The following CACNA1C variants were observed in gnomAD, a reference collection of about 807,000 sequenced individuals.
CACNA1C encodes calcium voltage-gated channel subunit alpha1 C.
Under a neutral mutation model 229.0 loss-of-function variants are expected in CACNA1C, and 30 were observed. The ratio of observed to expected loss-of-function variants is 0.13; its 90% CI spans 0.10 to 0.18. CACNA1C has a LOEUF of 0.18. Ranked by LOEUF, CACNA1C falls within the 10% of genes least tolerant of loss-of-function variation. The pLI is 1.00. For missense variants in CACNA1C, 1,658 were observed against 2,845.0 expected (o/e 0.58, Z 9.49); for synonymous variants, 1,114 against 1,132.5 (o/e 0.98, Z 0.33).
At chr12:2,590,754 A>G (rs939986845) in intron 18 of CACNA1C, among the ~76,000 whole-genome samples, 1 of 152,232 alleles carries the variant, frequency 6.6e-6, no homozygotes, top group Non-Finnish European at 1.5e-5. Flanking sequence ...ACAAAGCTAT[A>G]GTAAATATGG....
Position 2,395,620 on chromosome 12 carries a change from G to A in CACNA1C, c.478-53356G>A, listed in dbSNP as rs541349080. 2.6e-4 allele frequency among the ~76,000 whole-genome samples: 39 copies of A among 152,284 alleles called. No homozygotes were observed. In the East Asian group the frequency reaches 7.3e-3, roughly 29 times the overall value. Reference sequence around the variant, plus strand: ...GCAAGTCGGGTCCCTCTGAGCCTCTGGAAGAGCCAAGTGGCTGGCTGCTGG... The same window carrying A: ...GCAAGTCGGGTCCCTCTGAGCCTCTAGAAGAGCCAAGTGGCTGGCTGCTGG... On this transcript the variant is annotated intron_variant, in intron 3 of 46. Transcript: ENST00000399655.
At chr12:2,572,339 TTCC>T (rs1327075641) in intron 13 of CACNA1C, among the ~76,000 whole-genome samples, 55 of 29,104 alleles carry the variant, frequency 1.9e-3, no homozygotes, top group Non-Finnish European at 2.5e-3. Flanking sequence ...CCTTCTCTTC[TTCC>T]TCCTCCTCCT....
chr12:2,658,693 A>G (rs1359412492), intron 34 of CACNA1C, among the ~76,000 whole-genome samples: 57 of 152,084 alleles, frequency 3.7e-4, no homozygotes, highest in Non-Finnish European at 3.1e-4. Context: ...AGAAGAAGGC[A>G]TTGTTATCAT....
chr12:2,178,727 T>C (rs569210280), intron 3 of CACNA1C, among the ~76,000 whole-genome samples: 206 of 152,246 alleles, frequency 1.4e-3, no homozygotes, highest in Non-Finnish European at 2.5e-3. Flanking sequence ...CCCGTGATTG[T>C]GATTTCTTCC....
At chr12:2,233,888 A>G (rs2066285449) in intron 3 of CACNA1C, among the ~76,000 whole-genome samples, 1 of 152,048 alleles carries the variant, frequency 6.6e-6, no homozygotes, top group African/African-American at 2.4e-5. Context: ...CTCCACCTAC[A>G]AGTCAAGTTG....
chr12:2,247,032 G>GAAAA (rs2073622961), intron 3 of CACNA1C, among the ~76,000 whole-genome samples: 1 of 152,166 alleles, frequency 6.6e-6, no homozygotes, highest in Non-Finnish European at 1.5e-5. Flanking sequence ...CTTAAGCTAA[G>GAAAA]ACTATAAAGT....
intron 10 of CACNA1C, chr12:2,550,695 GGGGCGGGGCA>G (rs1568371834): frequency 6.1e-6 from 8 of 1,317,848 alleles, no homozygotes; most frequent in Non-Finnish European, 7.0e-6. Context: ...CTCCACCTGG[GGGGCGGGGCA>G]GGGCGGCATC....
chr12:2,502,638 A>T (rs1168008966), intron 7 of CACNA1C, among the ~76,000 whole-genome samples: 1 of 152,214 alleles, frequency 6.6e-6, no homozygotes, highest in African/African-American at 2.4e-5. Context: ...TATCAGATAC[A>T]TCTCAATGGA....
intron 3 of CACNA1C, among the ~76,000 whole-genome samples, chr12:2,174,999 G>C (rs1024969288): frequency 2.0e-5 from 3 of 152,134 alleles, no homozygotes; most frequent in Non-Finnish European, 4.4e-5. Flanking sequence ...TTGCCATCTC[G>C]GGTGGCAGAG....
At chr12:2,039,598 C>T (rs7958898) in intron 1 of CACNA1C, among the ~76,000 whole-genome samples, 7,690 of 152,198 alleles carry the variant, frequency 0.051, 265 homozygotes, top group Middle Eastern at 0.078. Context: ...GTTGGGAATA[C>T]AGGAGGTAAA....
In CACNA1C at chr12:2,605,095, A is replaced by G. The variant is rs1555878870; in HGVS notation, c.2975A>G (p.Asn992Ser). ...CCCTCTCCCAGGTCCAGTGCAATCA[A>G]TGTCGTGAAGATCTTGCGAGTCCTG... ...ISFGIQSSAI[N>S]VVKILRVLRV... Residue 992 changes from asparagine (N) to serine (S), a missense_variant, in exon 23 of 47, where the codon AAT (asparagine) becomes AGT (serine). Physicochemically the swap from Asn to Ser is conservative, Grantham distance 46. Transcript: ENST00000399655. This position sits in a 1 kb window ranked among gnomAD's most constrained non-coding sequence, Gnocchi z 6.2. 1.9e-6 allele frequency: 3 copies of G among 1,613,632 alleles called. No homozygotes were observed. The highest frequency in any genetic ancestry group is 1.1e-5 in the South Asian group (1 of 91,076).
chr12:2,328,304 G>T (rs2096410828), intron 3 of CACNA1C, among the ~76,000 whole-genome samples: 4 of 152,214 alleles, frequency 2.6e-5, no homozygotes, highest in African/African-American at 9.6e-5. Context: ...GAGAGCTTCT[G>T]CCCAGTGAGG....
chr12:2,563,539 C>T (rs1228079217), intron 11 of CACNA1C, among the ~76,000 whole-genome samples: 2 of 152,174 alleles, frequency 1.3e-5, no homozygotes, highest in Non-Finnish European at 2.9e-5. Context: ...CCTCCCTGCT[C>T]CTCAAGCCAA....
At chr12:2,277,378 C>G (rs912329211) in intron 3 of CACNA1C, among the ~76,000 whole-genome samples, 350 of 107,610 alleles carry the variant, frequency 3.3e-3, no homozygotes, top group African/African-American at 9.0e-3. Context: ...CACACACACA[C>G]ACACACACAC....
chr12:2,331,754 T>C (rs1001867150), intron 3 of CACNA1C, among the ~76,000 whole-genome samples: 4 of 152,260 alleles, frequency 2.6e-5, no homozygotes, highest in African/African-American at 9.6e-5. Context: ...AATGCGTGAT[T>C]CTGAGCTAAT....
intron 1 of CACNA1C, chr12:1,991,863 G>T (rs904215565): frequency 1.9e-5 from 3 of 159,532 alleles, no homozygotes; most frequent in African/African-American, 7.2e-5. Flanking sequence ...ACCTATAACT[G>T]ATCAGACCAT....
At chr12:2,085,073 C>T (rs1565584184) in intron 1 of CACNA1C, among the ~76,000 whole-genome samples, 2 of 152,164 alleles carry the variant, frequency 1.3e-5, no homozygotes, top group Non-Finnish European at 2.9e-5. Context: ...AAAGACAGAG[C>T]CTTGGGTCAC....
chr12:2,097,312 A>AT (rs767996541), intron 1 of CACNA1C, among the ~76,000 whole-genome samples: 3 of 151,522 alleles, frequency 2.0e-5, no homozygotes, highest in Non-Finnish European at 4.4e-5. Flanking sequence ...CGCCCAGCTA[A>AT]TTTTTTTGTA....
intron 1 of CACNA1C, among the ~76,000 whole-genome samples, chr12:2,024,254 C>T (rs144532822): frequency 2.0e-5 from 3 of 152,332 alleles, no homozygotes; most frequent in East Asian, 3.9e-4. Flanking sequence ...CTGACTTCCA[C>T]GTATGGCCCA....
Sources: gnomAD v4.1 joint callset for allele counts (sites outside exome capture counted in the v4.1 genomes callset) on GRCh38, gnomAD v4.1.1 for gene constraint, Gnocchi (gnomAD v3.1) non-coding constraint, MANE v1.5 for transcripts, NCBI Gene and HGNC (gene_info 2026-07-23, HGNC 2026-07-21) for gene names.